The following LRCOL1 variants were observed in gnomAD, a reference collection of about 807,000 sequenced individuals.
The protein encoded by LRCOL1 is leucine-rich colipase-like protein 1.
A neutral mutation model predicts 21.6 loss-of-function variants in LRCOL1; 21 were observed. That is an observed-to-expected ratio of 0.97 (90% CI 0.69 to 1.40). The LOEUF is 1.40. LRCOL1 is among the 40% of genes most tolerant of loss of function. LRCOL1 has a pLI of 0.00. For synonymous variants in LRCOL1, 98 were observed against 90.1 expected (o/e 1.09, Z -0.49); for missense variants, 198 against 202.3 (o/e 0.98, Z 0.13).
rs545924170 is a variant in LRCOL1, at chr12:132,609,407, T to C, written c.-14+916A>G. Among the ~76,000 whole-genome samples, 7 of 152,324 alleles carry C rather than the reference T, an allele frequency of 4.6e-5. No individual in the cohort carries two copies. The South Asian group carries it at 1.5e-3, about 32-fold the overall frequency. On this transcript the variant is annotated intron_variant, in intron 1 of 5. Coordinates refer to ENST00000376608, the MANE Select transcript of LRCOL1 (RefSeq NM_001195520.2). ...CACTGACCTGTGCACTTAAAAATCA[T>C]TAAGACGGCCCGGGCATGGGGTGGC...
At chr12:132,603,547 C>A in intron 5 of LRCOL1, 143 bp from the exon 6 acceptor site, 20 of 1,492,960 alleles carry the variant, frequency 1.3e-5, no homozygotes, top group Non-Finnish European at 1.7e-5. Context: ...CCGACGCCCA[C>A]GCTCAGCTCG....
rs1566277894 is a variant in LRCOL1, at chr12:132,604,679, CCACCCCCGCCCCTG to C, written c.231+13_231+26del. 5.9e-6 allele frequency: 9 copies of C among 1,528,878 alleles called. No homozygotes were observed. The highest frequency in any genetic ancestry group is 7.9e-6 in the Non-Finnish European group (9 of 1,141,700). 94.7% of individuals were successfully genotyped at this position (1,528,878 alleles called of 1,614,324 possible). ...GGGGGCCACAGGCAGTCTCGCTCCT[CCACCCCCGCCCCTG>C]CACGCACCTCACCTTCCTCCAGGGC... On this transcript the variant is annotated intron_variant, in intron 3 of 5. Transcript: ENST00000376608.
rs768895124 is a variant in LRCOL1, at chr12:132,606,300, C to T, written c.-13-36G>A. ...CCAGGATTGTGTGGGAGTGTGTCCA[C>T]GCCAGCCTTGTCCTGCCTGGCACCT... On this transcript the variant is annotated intron_variant, in intron 1 of 5. Transcript: ENST00000376608. This position sits in a 1 kb window ranked among gnomAD's most constrained non-coding sequence, Gnocchi z 4.6. The T allele has an allele frequency of 1.3e-5, 20 of 1,523,274 alleles. No individual in the cohort carries two copies. The highest frequency in any genetic ancestry group is 9.8e-5 in the East Asian group (4 of 40,732). The allele number at this position is 1,523,274 out of a possible 1,614,324, so 94.4% of individuals were successfully genotyped here. A position where few individuals can be genotyped will look rare whatever the true frequency, so the allele number is the denominator to read the frequency against.
chr12:132,603,708 G>A (rs1001985301), intron 5 of LRCOL1: 16 of 985,304 alleles, frequency 1.6e-5, no homozygotes, highest in Non-Finnish European at 6.0e-6. Context: ...CCCCAGACGG[G>A]AGCTCTGGGC....
At position 132,609,567 on chromosome 12, in the gene LRCOL1, C is replaced by T. The variant is rs570631787; in HGVS notation, c.-14+756G>A. Among the ~76,000 whole-genome samples, 368 of 152,226 alleles carry T rather than the reference C, an allele frequency of 2.4e-3. 1 individual carries two copies. Among genetic ancestry groups the T allele is most frequent in the African/African-American group, 8.5e-3 (353 of 41,526 alleles). The stretch of plus-strand genomic sequence containing the variant: ...ACAAAATTAGCTGGGTGTGGTGGTG[C>T]ATCCCGGTAGTCCCAGCTACTTAGG... On this transcript the variant is annotated intron_variant, in intron 1 of 5. Transcript: ENST00000376608.
In LRCOL1 at chr12:132,606,440, A is replaced by T. The variant is rs1251154850; in HGVS notation, c.-13-176T>A. The stretch of plus-strand genomic sequence containing the variant: ...AAAGCAGTTTTATGCTTACAAAAAA[A>T]GTGCAGAAAATATAATTCTCATATG... On this transcript the variant is annotated intron_variant, in intron 1 of 5. Coordinates refer to ENST00000376608, the MANE Select transcript of LRCOL1 (RefSeq NM_001195520.2). The surrounding 1 kb of genome is among the most constrained non-coding windows in gnomAD (Gnocchi z 4.6). 6.6e-6 allele frequency among the ~76,000 whole-genome samples: 1 copy of T among 152,226 alleles called. No homozygotes were observed. Among genetic ancestry groups the T allele is most frequent in the Non-Finnish European group, 1.5e-5 (1 of 68,044 alleles).
At chr12:132,603,984 T>A in intron 5 of LRCOL1, 1 of 1,319,534 alleles carries the variant, frequency 7.6e-7, no homozygotes, top group Non-Finnish European at 9.7e-7. Flanking sequence ...TGGGTCCCCC[T>A]CCCCGCGGCT....
At chr12:132,604,210 G>T in intron 5 of LRCOL1, 44 bp downstream of exon 5, 1 of 1,497,976 alleles carries the variant, frequency 6.7e-7, no homozygotes, top group Non-Finnish European at 8.9e-7. Flanking sequence ...TCCCTGTGGC[G>T]GCCAAGGGAG....
rs1051640118 is a variant in LRCOL1, at chr12:132,606,606, G to A, written c.-13-342C>T. ...AGCTCAGCCGGTGTGTGCCTGCTGC[G>A]GGTTTGGGTGAGTGCGTTCTCATAA... On this transcript the variant is annotated intron_variant, in intron 1 of 5. Coordinates refer to ENST00000376608, the MANE Select transcript of LRCOL1 (RefSeq NM_001195520.2). The surrounding 1 kb of genome is among the most constrained non-coding windows in gnomAD (Gnocchi z 4.6). Among the ~76,000 whole-genome samples the A allele has an allele frequency of 1.3e-5, 2 of 152,050 alleles. No individual in the cohort carries two copies. Among genetic ancestry groups the A allele is most frequent in the African/African-American group, 2.4e-5 (1 of 41,396 alleles).
At chr12:132,607,883 C>A (rs1177763706) in intron 1 of LRCOL1, among the ~76,000 whole-genome samples, 1 of 143,500 alleles carries the variant, frequency 7.0e-6, no homozygotes, top group Non-Finnish European at 1.5e-5. Flanking sequence ...GTCTCTCCCT[C>A]TGTCTCTGTC....
At chr12:132,605,891 G>T in intron 2 of LRCOL1, 1 of 520,432 alleles carries the variant, frequency 1.9e-6, no homozygotes, top group African/African-American at 1.9e-5. Context: ...TGGCCCCAGG[G>T]CTGCTCCTGG....
In LRCOL1 at chr12:132,605,168, G is replaced by A. The variant is rs563560999; in HGVS notation, c.106-337C>T. 29 of 1,140,576 alleles carry A rather than the reference G, an allele frequency of 2.5e-5. No individual in the cohort carries two copies. The Admixed American group carries it at 2.8e-4, about 11-fold the overall frequency. 70.7% of individuals were successfully genotyped at this position (1,140,576 alleles called of 1,614,324 possible). ...GAGAAGAAACAGGCTCAGGGAAGGC[G>A]AGCAAGGTGCCCAGGATTGCACAGC... On this transcript the variant is annotated intron_variant, in intron 2 of 5. Transcript: ENST00000376608.
intron 1 of LRCOL1, among the ~76,000 whole-genome samples, chr12:132,607,211 G>A (rs1029175032): frequency 6.6e-6 from 1 of 152,176 alleles, no homozygotes; most frequent in Non-Finnish European, 1.5e-5. Context: ...ACCCTTCCTC[G>A]GGACTCTTCC....
chr12:132,605,392 C>T (rs571126126), intron 2 of LRCOL1, among the ~76,000 whole-genome samples: 23 of 152,350 alleles, frequency 1.5e-4, no homozygotes, highest in African/African-American at 5.5e-4. Flanking sequence ...AAACAGTAAT[C>T]CCATTGCATG....
intron 1 of LRCOL1, among the ~76,000 whole-genome samples, chr12:132,609,414 G>A (rs900986496): frequency 7.2e-5 from 11 of 152,202 alleles, no homozygotes; most frequent in Non-Finnish European, 1.2e-4. Flanking sequence ...TCATTAAGAC[G>A]GCCCGGGCAT....
At position 132,604,746 on chromosome 12, in the gene LRCOL1, G is replaced by A; in HGVS notation, c.191C>T (p.Thr64Ile). ...INSLAPHTLC[T>I]PKTIFLQCLP... ...GCACTGCAGGAAGATGGTCTTAGGG[G>A]TGCAGAGCGTGTGTGGGGCCAGGCT... The change falls in exon 3 of 6, where the codon ACC (threonine) becomes ATC (isoleucine). Residue 64 changes from threonine (T) to isoleucine (I), a missense_variant. By Grantham distance (89) the Thr-to-Ile change is moderately conservative. Coordinates refer to ENST00000376608, the MANE Select transcript of LRCOL1 (RefSeq NM_001195520.2). The A allele has an allele frequency of 1.3e-6, 2 of 1,536,208 alleles. No homozygotes were observed. Among genetic ancestry groups the A allele is most frequent in the South Asian group, 1.2e-5 (1 of 84,066 alleles).
chr12:132,606,007 G>A lies in LRCOL1; in HGVS notation c.105+140C>T, dbSNP rs377139350. On this transcript the variant is annotated intron_variant, in intron 2 of 5. Coordinates refer to ENST00000376608, the MANE Select transcript of LRCOL1 (RefSeq NM_001195520.2). The surrounding 1 kb of genome is among the most constrained non-coding windows in gnomAD (Gnocchi z 4.6). The stretch of plus-strand genomic sequence containing the variant: ...CAGGGAGGGTTTCATCCAGGAAGGC[G>A]CTTTGTGTCCCTTTGAGACCCTCCT... 4.1e-6 allele frequency: 3 copies of A among 732,772 alleles called. No homozygotes were observed. Among genetic ancestry groups the A allele is most frequent in the Non-Finnish European group, 2.2e-6 (1 of 452,924 alleles). The allele number at this position is 732,772 out of a possible 1,614,324, so 45.4% of individuals were successfully genotyped here.
At chr12:132,605,561 T>G (rs1186558943) in intron 2 of LRCOL1, among the ~76,000 whole-genome samples, 1 of 152,118 alleles carries the variant, frequency 6.6e-6, no homozygotes, top group Admixed American at 6.5e-5. Flanking sequence ...AAACCCCATC[T>G]CTACCAAAAA....
rs564875718 is a variant in LRCOL1, at chr12:132,606,103, C to T, written c.105+44G>A. On this transcript the variant is annotated intron_variant, in intron 2 of 5. Coordinates refer to ENST00000376608, the MANE Select transcript of LRCOL1 (RefSeq NM_001195520.2). The surrounding 1 kb of genome is among the most constrained non-coding windows in gnomAD (Gnocchi z 4.6). ...GGGGCGCCCGGCACCCACCTTATGGCGCGTGTGGGGCCTGCAGGGGCATCA... is the reference window on the plus strand; with the variant it reads ...GGGGCGCCCGGCACCCACCTTATGGTGCGTGTGGGGCCTGCAGGGGCATCA... 29 of 1,519,800 alleles carry T rather than the reference C, an allele frequency of 1.9e-5. No homozygotes were observed. The East Asian group carries it at 3.4e-4, about 18-fold the overall frequency. 94.1% of individuals were successfully genotyped at this position (1,519,800 alleles called of 1,614,324 possible).
Sources: allele counts gnomAD v4.1 joint callset (sites outside exome capture counted in the v4.1 genomes callset), GRCh38; gene constraint gnomAD v4.1.1; non-coding constraint Gnocchi (gnomAD v3.1); transcripts MANE v1.5; gene names NCBI Gene and HGNC (gene_info 2026-07-23, HGNC 2026-07-21).